The following CSMD1 variants were observed in gnomAD, a reference collection of about 807,000 sequenced individuals.
The protein encoded by CSMD1 is CUB and sushi domain-containing protein 1.
A neutral mutation model predicts 417.5 loss-of-function variants in CSMD1; 213 were observed. The ratio of observed to expected loss-of-function variants is 0.51; its 90% CI spans 0.46 to 0.57. The LOEUF (loss-of-function observed/expected upper bound fraction) is 0.57, where lower values mean the gene tolerates loss of function less well. Among genes scored for constraint, CSMD1 ranks in the 20% least tolerant of loss-of-function variants. The pLI is 0.00. For missense variants in CSMD1, 6,923 were observed against 4,529.7 expected (o/e 1.53, Z -15.17); for synonymous variants, 2,862 against 1,736.8 (o/e 1.65, Z -16.11).
At chr8:4,409,504 T>C (rs1186590681) in intron 3 of CSMD1, among the ~76,000 whole-genome samples, 2 of 152,162 alleles carry the variant, frequency 1.3e-5, no homozygotes, top group East Asian at 1.9e-4. Flanking sequence ...ACAATAAAAA[T>C]GTAACCCTAA....
At chr8:4,800,438 C>CAAAAAAA (rs11463488) in intron 1 of CSMD1, among the ~76,000 whole-genome samples, 4 of 115,054 alleles carry the variant, frequency 3.5e-5, no homozygotes, top group African/African-American at 1.4e-4. Context: ...GACTTCATCT[C>CAAAAAAA]AAAAAAAAAA....
intron 26 of CSMD1, among the ~76,000 whole-genome samples, chr8:3,256,639 T>C (rs1292721533): frequency 2.0e-5 from 3 of 152,240 alleles, no homozygotes; most frequent in African/African-American, 7.2e-5. Flanking sequence ...ACTTCCAACA[T>C]GTGTGCCTTG....
chr8:4,677,855 G>A (rs1805792322), intron 1 of CSMD1, among the ~76,000 whole-genome samples: 2 of 152,108 alleles, frequency 1.3e-5, no homozygotes, highest in South Asian at 2.1e-4. Flanking sequence ...GCTGAAGAAT[G>A]TCTTTAAAAT....
At chr8:3,605,976 G>T (rs1238220390) in intron 8 of CSMD1, among the ~76,000 whole-genome samples, 2 of 152,170 alleles carry the variant, frequency 1.3e-5, no homozygotes, top group East Asian at 3.8e-4. Flanking sequence ...CTTCTGCCTT[G>T]TGTGGGGTCC....
intron 5 of CSMD1, among the ~76,000 whole-genome samples, chr8:3,947,822 T>G (rs1811337480): frequency 6.6e-6 from 1 of 152,208 alleles, no homozygotes; most frequent in African/African-American, 2.4e-5. Context: ...ATGGTTCAAG[T>G]AGGTCACATT....
chr8:4,819,437 A>G (rs1046715114), intron 1 of CSMD1, among the ~76,000 whole-genome samples: 3 of 150,164 alleles, frequency 2.0e-5, no homozygotes, highest in Non-Finnish European at 4.4e-5. Context: ...AAATTTCCCA[A>G]CTGACTTATA....
chr8:4,925,537 C>CTTTTTTTTT (rs113682113), intron 1 of CSMD1, among the ~76,000 whole-genome samples: 1 of 145,904 alleles, frequency 6.9e-6, no homozygotes, highest in Non-Finnish European at 1.5e-5. Context: ...CTGGCATTTT[C>CTTTTTTTTT]TTTTTTTTTT....
At chr8:3,460,721 A>G (rs1816446314) in intron 12 of CSMD1, among the ~76,000 whole-genome samples, 1 of 152,208 alleles carries the variant, frequency 6.6e-6, no homozygotes, top group Non-Finnish European at 1.5e-5. Context: ...AGAAGAAATA[A>G]CACAAAAACA....
At chr8:4,272,197 T>C (rs137935467) in intron 3 of CSMD1, among the ~76,000 whole-genome samples, 83 of 152,298 alleles carry the variant, frequency 5.4e-4, no homozygotes, top group African/African-American at 2.0e-3. Flanking sequence ...ATGACCTTAA[T>C]AGGTATAGTA....
chr8:3,510,777 G>C (rs944654668), intron 10 of CSMD1, among the ~76,000 whole-genome samples: 4 of 151,852 alleles, frequency 2.6e-5, no homozygotes, highest in South Asian at 2.1e-4. Context: ...GAGCTTTTTT[G>C]CCTATGTTTA....
intron 1 of CSMD1, among the ~76,000 whole-genome samples, chr8:4,807,095 C>G (rs1255291580): frequency 6.6e-6 from 1 of 152,118 alleles, no homozygotes; most frequent in Non-Finnish European, 1.5e-5. Context: ...TAACCACAGA[C>G]TAATACATTC....
intron 3 of CSMD1, among the ~76,000 whole-genome samples, chr8:4,198,637 T>C (rs1325368992): frequency 6.6e-6 from 1 of 152,142 alleles, no homozygotes; most frequent in Non-Finnish European, 1.5e-5. Flanking sequence ...ATGGATAATG[T>C]CCCATTATCA....
intron 33 of CSMD1, among the ~76,000 whole-genome samples, chr8:3,190,496 G>C (rs1796350381): frequency 6.6e-6 from 1 of 152,140 alleles, no homozygotes; most frequent in Admixed American, 6.5e-5. Flanking sequence ...ATAATGAGAT[G>C]ACTAACCATG....
At chr8:4,799,460 G>C (rs1258898878) in intron 1 of CSMD1, among the ~76,000 whole-genome samples, 2 of 151,758 alleles carry the variant, frequency 1.3e-5, no homozygotes, top group Non-Finnish European at 1.5e-5. Context: ...AGCCAGGCGC[G>C]TAATGGTGTG....
chr8:4,321,079 T>C (rs71523627), intron 3 of CSMD1, among the ~76,000 whole-genome samples: 11 of 152,180 alleles, frequency 7.2e-5, no homozygotes, highest in Admixed American at 3.3e-4. Context: ...AGTCTTGTCA[T>C]ACGCTTATAT....
At chr8:4,230,156 G>C (rs1297668587) in intron 3 of CSMD1, among the ~76,000 whole-genome samples, 1 of 152,058 alleles carries the variant, frequency 6.6e-6, no homozygotes, top group Non-Finnish European at 1.5e-5. Context: ...TTGCAGTGCT[G>C]GGTATGTTTG....
At chr8:3,494,239 T>G (rs964543513) in intron 10 of CSMD1, among the ~76,000 whole-genome samples, 2 of 151,898 alleles carry the variant, frequency 1.3e-5, no homozygotes, top group Admixed American at 1.3e-4. Context: ...GTAAGTTTTT[T>G]GTTTGTTTTT....
At chr8:3,306,936 T>TAAATGTTCACATCA (rs923516628) in intron 25 of CSMD1, among the ~76,000 whole-genome samples, 2 of 152,136 alleles carry the variant, frequency 1.3e-5, no homozygotes, top group Non-Finnish European at 2.9e-5. Context: ...ACTTTTTGTT[T>TAAATGTTCACATCA]AAATGTTCAC....
At chr8:4,424,730 A>G (rs1297816366) in intron 2 of CSMD1, among the ~76,000 whole-genome samples, 1 of 152,120 alleles carries the variant, frequency 6.6e-6, no homozygotes, top group Non-Finnish European at 1.5e-5. Flanking sequence ...CATTTGCCCT[A>G]GAAATGCTCA....
Sources: gnomAD v4.1 joint callset for allele counts (sites outside exome capture counted in the v4.1 genomes callset) on GRCh38, gnomAD v4.1.1 for gene constraint, MANE v1.5 for transcripts, NCBI Gene and HGNC (gene_info 2026-07-23, HGNC 2026-07-21) for gene names.